PDIA2: variants seen among roughly 807,000 people sequenced by gnomAD.
PDIA2 encodes the protein protein disulfide-isomerase A2.
A neutral mutation model predicts 51.1 loss-of-function variants in PDIA2; 76 were observed. That is an observed-to-expected ratio of 1.49 (90% CI 1.24 to 1.80). The LOEUF is 1.80. Ranked by LOEUF, PDIA2 falls within the 40% of genes most tolerant of loss-of-function variation. The probability of loss-of-function intolerance (pLI) is 0.00; values close to 1 mark genes in which losing one functional copy is unlikely to be tolerated. For missense variants in PDIA2, 946 were observed against 706.5 expected (o/e 1.34, Z -3.84); for synonymous variants, 429 against 309.9 (o/e 1.38, Z -4.04).
chr16:283,432 C>T, intron 1 of PDIA2, 64 bp downstream of exon 1: 1 of 1,472,314 alleles, frequency 6.8e-7, no homozygotes, highest in African/African-American at 1.4e-5. Flanking sequence ...CCTGGGGGCC[C>T]CACCCTTTGC....
At position 284,454 on chromosome 16, in the gene PDIA2, G is replaced by A. The variant is rs774678398; in HGVS notation, c.267G>A (p.Ala89=). 52 of 1,599,962 alleles carry A rather than the reference G, an allele frequency of 3.3e-5. No homozygotes were observed. Among genetic ancestry groups the A allele is most frequent in the South Asian group, 1.2e-4 (11 of 88,772 alleles). The part of the protein sequence containing the change: ...PEYSKAAAVL[A]AESMVVTLAK... Reference sequence around the variant, plus strand: ...ACAGCAAGGCAGCTGCCGTGCTCGCGGCCGAGTCAATGGTGGTCACGCTGG... The same window carrying A: ...ACAGCAAGGCAGCTGCCGTGCTCGCAGCCGAGTCAATGGTGGTCACGCTGG... Residue 89 remains alanine, a synonymous_variant, in exon 2 of 11, where the codon GCG becomes GCA. Transcript: ENST00000219406.
Position 284,390 on chromosome 16 carries a change from C to A in PDIA2, c.203C>A (p.Ala68Asp), listed in dbSNP as rs1408537527. 2 of 1,554,350 alleles carry A rather than the reference C, an allele frequency of 1.3e-6. No homozygotes were observed. The highest frequency in any genetic ancestry group is 1.9e-5 in the Admixed American group (1 of 52,594). Residue 68 changes from alanine (A) to aspartate (D), a missense_variant, in exon 2 of 11, where the codon GCC becomes GAC. Coordinates refer to ENST00000219406, the MANE Select transcript of PDIA2 (RefSeq NM_006849.4). Reference protein sequence around the residue: ...EHPALLVEFYAPWCGHCQALA... With the variant: ...EHPALLVEFYDPWCGHCQALA... Reference sequence around the variant, plus strand: ...CACTCACGGCCCCATCCCCCAGATGCCCCGTGGTGTGGGCACTGCCAGGCC... The same window carrying A: ...CACTCACGGCCCCATCCCCCAGATGACCCGTGGTGTGGGCACTGCCAGGCC...
rs564559094 is a variant in PDIA2 at position 283,193 on chromosome 16, A to ACTGCTG, written c.36_41dup (p.Leu13_Leu14dup). On this transcript the variant is annotated inframe_insertion, in exon 1 of 11. Coordinates refer to ENST00000219406, the MANE Select transcript of PDIA2 (RefSeq NM_006849.4). ...CCATGAGCCGCCAGCTTCTGCCTGTACTGCTGCTGCTGCTGCTCAGGGCTT... is the reference window on the plus strand; with the variant it reads ...CCATGAGCCGCCAGCTTCTGCCTGTACTGCTGCTGCTGCTGCTGCTGCTCAGGGCTT... 18 of 1,592,676 alleles carry ACTGCTG rather than the reference A, an allele frequency of 1.1e-5. No individual in the cohort carries two copies. Among genetic ancestry groups the ACTGCTG allele is most frequent in the African/African-American group, 5.4e-5 (4 of 74,334 alleles).
chr16:286,381 C>T lies in PDIA2; in HGVS notation c.1148C>T (p.Pro383Leu). 2 of 1,610,448 alleles carry T rather than the reference C, an allele frequency of 1.2e-6. No individual in the cohort carries two copies. The highest frequency in any genetic ancestry group is 1.7e-6 in the Non-Finnish European group (2 of 1,178,960). Residue 383 changes from proline to leucine, a missense_variant, in exon 8 of 11, where the codon CCT becomes CTT. Transcript: ENST00000219406. ...KPYLLSQEIP[P>L]DWDQRPVKTL... ...TATCTCCTGAGCCAGGAGATACCCC[C>T]TGATTGGGATCAGCGGCCAGTTAAG...
chr16:283,285 C>T lies in PDIA2; in HGVS notation c.116C>T (p.Pro39Leu). ...GAGGAGCCTCCAGAGGAGGAAATCC[C>T]CAAGGAGGATGGGATCTTGGTGCTG... ...PSEEPPEEEI[P>L]KEDGILVLSR... Residue 39 changes from proline to leucine, a missense_variant, in exon 1 of 11, where the codon CCC (proline) becomes CTC (leucine). Pro to Leu is a moderately conservative substitution (Grantham distance 98, BLOSUM62 -3). Coordinates refer to ENST00000219406, the MANE Select transcript of PDIA2 (RefSeq NM_006849.4). The T allele has an allele frequency of 6.2e-7, 1 of 1,611,066 alleles. No individual in the cohort carries two copies. Among genetic ancestry groups the T allele is most frequent in the Non-Finnish European group, 8.5e-7 (1 of 1,179,210 alleles).
rs767130250 is a variant in PDIA2, at chr16:284,607, C to T, written c.406+14C>T. 9.0e-5 allele frequency: 145 copies of T among 1,607,758 alleles called. No individual in the cohort carries two copies. The highest frequency in any genetic ancestry group is 1.0e-4 in the Non-Finnish European group (120 of 1,179,202). ...AGGAGTACACAGGTGAGGGGCAGGC[C>T]GGTCATTGGGGGGGCGGTGGCCAGG... is the stretch of plus-strand genomic sequence containing the variant. On this transcript the variant is annotated intron_variant, in intron 2 of 10. Coordinates refer to ENST00000219406, the MANE Select transcript of PDIA2 (RefSeq NM_006849.4).
chr16:285,936 ACCCC>A (rs1567250851), intron 7 of PDIA2, among the ~76,000 whole-genome samples: 37 of 50,154 alleles, frequency 7.4e-4, no homozygotes, highest in Non-Finnish European at 1.1e-3. Flanking sequence ...CCCAACCCCA[ACCCC>A]AACCCCAACC....
Position 285,573 on chromosome 16 carries a change from C to T in PDIA2, c.989C>T (p.Ala330Val), listed in dbSNP as rs747556946. Residue 330 changes from alanine to valine, a missense_variant, in exon 7 of 11, where the codon GCT becomes GTT. By Grantham distance (64) the Ala-to-Val change is moderately conservative. Transcript: ENST00000219406. ...EHVLQYFGLKAEAAPTLRLVN... is the reference protein window; with the variant it reads ...EHVLQYFGLKVEAAPTLRLVN... The stretch of plus-strand genomic sequence containing the variant: ...GTGCTGCAGTACTTTGGACTCAAGG[C>T]TGAGGCAGCCCCCACTCTGCGCTTG... The T allele has an allele frequency of 4.3e-6, 7 of 1,613,052 alleles. No individual in the cohort carries two copies. Among genetic ancestry groups the T allele is most frequent in the Admixed American group, 1.7e-5 (1 of 59,992 alleles).
Position 285,111 on chromosome 16 carries a change from G to C in PDIA2, c.706G>C (p.Val236Leu). 6.2e-7 allele frequency: 1 copy of C among 1,613,038 alleles called. No homozygotes were observed. Among genetic ancestry groups the C allele is most frequent in the South Asian group, 1.1e-5 (1 of 91,086 alleles). ...TGATGAGGGGCGGGCAGACTTCCCC[G>C]TGGACGAGGAGCTTGGCCTGGACCT... ...KFDEGRADFPVDEELGLDLGD... is the reference protein window; with the variant it reads ...KFDEGRADFPLDEELGLDLGD... Residue 236 changes from valine to leucine, a missense_variant, in exon 5 of 11, where the codon GTG (valine) becomes CTG (leucine). By Grantham distance (32) the Val-to-Leu change is conservative. Transcript: ENST00000219406.
Position 284,932 on chromosome 16 carries a change from G to GA in PDIA2, c.596dup (p.Asp199GlufsTer30). On this transcript the variant is annotated frameshift_variant, in exon 4 of 11. Transcript: ENST00000219406. LOFTEE classifies it high-confidence loss of function. The stretch of plus-strand genomic sequence containing the variant: ...CTTGGCCTTGGCCCAGGACGCCCTG[G>GA]ACATGACCTTTGGCCTCACAGACCG... 6.2e-7 allele frequency: 1 copy of GA among 1,613,274 alleles called. No homozygotes were observed. The highest frequency in any genetic ancestry group is 2.2e-5 in the East Asian group (1 of 44,876).
Position 286,368 on chromosome 16 carries a change from C to G in PDIA2, c.1135C>G (p.Gln379Glu), listed in dbSNP as rs199813441. 5 of 1,609,410 alleles carry G rather than the reference C, an allele frequency of 3.1e-6. No individual in the cohort carries two copies. The highest frequency in any genetic ancestry group is 4.2e-6 in the Non-Finnish European group (5 of 1,179,038). Residue 379 changes from glutamine to glutamate, a missense_variant, in exon 8 of 11, where the codon CAG (glutamine) becomes GAG (glutamate). By Grantham distance (29) the Gln-to-Glu change is conservative. Coordinates refer to ENST00000219406, the MANE Select transcript of PDIA2 (RefSeq NM_006849.4). The part of the protein sequence containing the change: ...NGQVKPYLLS[Q>E]EIPPDWDQRP... ...TTTCCCCCAGCCCTATCTCCTGAGC[C>G]AGGAGATACCCCCTGATTGGGATCA...
rs2052397842 is a variant in PDIA2 at position 287,104 on chromosome 16, G to A, written c.1569G>A (p.Glu523=). ...CCAACTCCACTATGGGGTCCAAGGA[G>A]GAACTGTAGCTGCCCCCGTGTCACC... The part of the protein sequence containing the change: ...PPANSTMGSK[E]EL The change falls in exon 11 of 11, where the codon GAG becomes GAA. Residue 523 remains glutamate (E), a synonymous_variant. Transcript: ENST00000219406. The A allele has an allele frequency of 1.2e-6, 2 of 1,612,774 alleles. No individual in the cohort carries two copies. Among genetic ancestry groups the A allele is most frequent in the South Asian group, 1.1e-5 (1 of 91,082 alleles).
rs376929316 is a variant in PDIA2, at chr16:283,270, C to T, written c.101C>T (p.Pro34Leu). 61 of 1,611,074 alleles carry T rather than the reference C, an allele frequency of 3.8e-5. No individual in the cohort carries two copies. Among genetic ancestry groups the T allele is most frequent in the Non-Finnish European group, 4.7e-5 (56 of 1,179,290 alleles). Residue 34 changes from proline (P) to leucine (L), a missense_variant, in exon 1 of 11, where the codon CCA becomes CTA. Physicochemically the swap from Pro to Leu is moderately conservative, Grantham distance 98. Transcript: ENST00000219406. Reference protein sequence around the residue: ...QGARSPSEEPPEEEIPKEDGI... With the variant: ...QGARSPSEEPLEEEIPKEDGI... ...GCGAGGAGCCCCTCGGAGGAGCCTC[C>T]AGAGGAGGAAATCCCCAAGGAGGAT...
rs1235572178 is a variant in PDIA2, at chr16:283,369, G to A, written c.199+1G>A. 4 of 1,593,756 alleles carry A rather than the reference G, an allele frequency of 2.5e-6. No individual in the cohort carries two copies. Among genetic ancestry groups the A allele is most frequent in the Non-Finnish European group, 2.6e-6 (3 of 1,170,492 alleles). On this transcript the variant is annotated splice_donor_variant, in intron 1 of 10. Transcript: ENST00000219406. LOFTEE classifies it high-confidence loss of function. ...CACCCTGCCCTGCTGGTGGAATTCT[G>A]TGAGTGCTGGGGCCAGTGGGGCTGG...
intron 10 of PDIA2, 57 bp downstream of exon 10, chr16:287,002 C>T: frequency 1.9e-6 from 3 of 1,611,826 alleles, no homozygotes; most frequent in Non-Finnish European, 2.5e-6. Flanking sequence ...TTACACAGGG[C>T]TGGCAGGGGC....
intron 7 of PDIA2, among the ~76,000 whole-genome samples, 199 bp downstream of exon 7, chr16:285,902 TC>T (rs2052355090): frequency 2.4e-5 from 1 of 42,086 alleles, no homozygotes; most frequent in Non-Finnish European, 4.7e-5. Context: ...CCCGCGGTTC[TC>T]CCAACCCCAA....
chr16:284,788 T>C lies in PDIA2; in HGVS notation c.536T>C (p.Phe179Ser). The C allele has an allele frequency of 2.5e-6, 4 of 1,573,346 alleles. No individual in the cohort carries two copies. Among genetic ancestry groups the C allele is most frequent in the Non-Finnish European group, 3.4e-6 (4 of 1,162,992 alleles). Residue 179 changes from phenylalanine to serine, a missense_variant, in exon 3 of 11, where the codon TTC (phenylalanine) becomes TCC (serine). Phe to Ser is a radical substitution (Grantham distance 155). Transcript: ENST00000219406. Reference sequence around the variant, plus strand: ...CGGGACCTAGTGGTCATTGGCTTCTTCCAGGTGAGCCACTGGGCATGGGGG... The same window carrying C: ...CGGGACCTAGTGGTCATTGGCTTCTCCCAGGTGAGCCACTGGGCATGGGGG... The part of the protein sequence containing the change: ...GGRDLVVIGF[F>S]QDLQDEDVAT...
chr16:284,873 C>T lies in PDIA2; in HGVS notation c.541-5C>T. ...CGGGTGGCCTCACAGGGCCAGGCCC[C>T]TCAGGACCTGCAGGACGAGGACGTG... On this transcript the variant is annotated splice_polypyrimidine_tract_variant and splice_region_variant and intron_variant, in intron 3 of 10. Coordinates refer to ENST00000219406, the MANE Select transcript of PDIA2 (RefSeq NM_006849.4). 1 of 1,612,230 alleles carries T rather than the reference C, an allele frequency of 6.2e-7. No homozygotes were observed. Among genetic ancestry groups the T allele is most frequent in the Non-Finnish European group, 8.5e-7 (1 of 1,179,584 alleles).
chr16:286,736 G>C lies in PDIA2; in HGVS notation c.1422+1G>C. On this transcript the variant is annotated splice_donor_variant, in intron 9 of 10. Transcript: ENST00000219406. LOFTEE classifies it high-confidence loss of function. The stretch of plus-strand genomic sequence containing the variant: ...CTTCCCAGCAGGGCCAGGTCGGAAG[G>C]TATGGCGGACAGGTGGCTGGGGAGG... 6.2e-7 allele frequency: 1 copy of C among 1,612,866 alleles called. No homozygotes were observed.
Sources: allele counts gnomAD v4.1 joint callset (sites outside exome capture counted in the v4.1 genomes callset), GRCh38; gene constraint gnomAD v4.1.1; transcripts MANE v1.5; gene names NCBI Gene and HGNC (gene_info 2026-07-23, HGNC 2026-07-21).